Variants in NDST3 observed in about 807,000 individuals in gnomAD.
NDST3 encodes the protein N-deacetylase and N-sulfotransferase 3, also known as bifunctional heparan sulfate N-deacetylase/N-sulfotransferase 3.
NDST3 carries 58 observed loss-of-function variants against 96.1 expected under a neutral mutation model. The ratio of observed to expected loss-of-function variants is 0.60; its 90% CI spans 0.49 to 0.75. NDST3 has a LOEUF of 0.75. Among genes scored for constraint, NDST3 ranks in the 30% least tolerant of loss-of-function variants. The pLI, the probability that NDST3 is intolerant of heterozygous loss-of-function variation, is 0.00. For missense variants in NDST3, 788 were observed against 1,034.2 expected (o/e 0.76, Z 3.27); for synonymous variants, 333 against 359.7 (o/e 0.93, Z 0.84).
intron 6 of NDST3, chr4:118,193,521 C>T: frequency 3.1e-6 from 3 of 963,600 alleles, no homozygotes; most frequent in Non-Finnish European, 5.0e-6. Context: ...TTGTTCTCTT[C>T]CTCAGCCAGC....
intron 6 of NDST3, among the ~76,000 whole-genome samples, chr4:118,155,858 A>G (rs1365053061): frequency 6.6e-6 from 1 of 152,190 alleles, no homozygotes; most frequent in Non-Finnish European, 1.5e-5. Flanking sequence ...GTTAAGAAAA[A>G]TAGGAGTTTT....
intron 7 of NDST3, among the ~76,000 whole-genome samples, chr4:118,225,994 GT>G (rs35573813): frequency 1.0e-4 from 15 of 143,022 alleles, no homozygotes; most frequent in African/African-American, 2.3e-4. Context: ...CTGTTTTTTT[GT>G]TTTTTTTTTC....
At chr4:118,178,895 T>C (rs1736429787) in intron 6 of NDST3, among the ~76,000 whole-genome samples, 1 of 152,068 alleles carries the variant, frequency 6.6e-6, no homozygotes, top group South Asian at 2.1e-4. Flanking sequence ...GAGATTATTT[T>C]AGTATTGCCA....
intron 6 of NDST3, among the ~76,000 whole-genome samples, chr4:118,223,180 A>C (rs1311427252): frequency 2.0e-5 from 3 of 152,014 alleles, no homozygotes; most frequent in Non-Finnish European, 2.9e-5. Context: ...ACCTCCAACG[A>C]CATTAGAAAA....
chr4:118,142,168 T>C (rs1733618111), intron 5 of NDST3, among the ~76,000 whole-genome samples: 1 of 152,074 alleles, frequency 6.6e-6, no homozygotes, highest in Non-Finnish European at 1.5e-5. Flanking sequence ...TGAGGATGCA[T>C]AATGCTTTTA....
At chr4:118,227,603 T>A (rs1184778846) in intron 8 of NDST3, among the ~76,000 whole-genome samples, 1 of 137,570 alleles carries the variant, frequency 7.3e-6, no homozygotes, top group Non-Finnish European at 1.5e-5. Flanking sequence ...TTTATCACCA[T>A]AAACTTTTTT....
At chr4:118,193,642 C>T in intron 6 of NDST3, 1 of 1,299,372 alleles carries the variant, frequency 7.7e-7, no homozygotes, top group Non-Finnish European at 1.1e-6. Flanking sequence ...GGTAGAGCTG[C>T]AAGACCTTCT....
Position 118,094,661 on chromosome 4 carries a change from A to G in NDST3, c.982-10357A>G, listed in dbSNP as rs115506201. 6.6e-3 allele frequency among the ~76,000 whole-genome samples: 1,009 copies of G among 151,916 alleles called. 8 individuals carry two copies. Among genetic ancestry groups the G allele is most frequent in the African/African-American group, 0.023 (967 of 41,478 alleles). On this transcript the variant is annotated intron_variant, in intron 2 of 13. Coordinates refer to ENST00000296499, the MANE Select transcript of NDST3 (RefSeq NM_004784.3). ...CTAAGAATTTTTTGGCATTACCAGT[A>G]ATTAATTTATTCTTTCATTCTTTCA...
intron 2 of NDST3, among the ~76,000 whole-genome samples, chr4:118,060,241 T>C (rs1468975297): frequency 2.0e-5 from 3 of 152,278 alleles, no homozygotes; most frequent in East Asian, 1.9e-4. Flanking sequence ...TTGCCTTCTA[T>C]ATTTTGAAGC....
At chr4:118,161,633 G>A (rs1259517591) in intron 6 of NDST3, among the ~76,000 whole-genome samples, 1 of 152,120 alleles carries the variant, frequency 6.6e-6, no homozygotes, top group Admixed American at 6.5e-5. Context: ...AGACTGCTTT[G>A]CTAGCAATCA....
intron 1 of NDST3, among the ~76,000 whole-genome samples, chr4:118,051,656 T>C (rs1725085401): frequency 6.6e-6 from 1 of 151,984 alleles, no homozygotes; most frequent in South Asian, 2.1e-4. Flanking sequence ...GGCATCTAAA[T>C]AGAAAAAGAA....
intron 6 of NDST3, among the ~76,000 whole-genome samples, chr4:118,177,589 T>G (rs148643057): frequency 4.1e-4 from 63 of 152,100 alleles, no homozygotes; most frequent in African/African-American, 1.5e-3. Context: ...ACCACAACTA[T>G]TAAGAACAAT....
At chr4:118,198,406 ACT>A (rs1284737074) in intron 6 of NDST3, among the ~76,000 whole-genome samples, 1 of 152,236 alleles carries the variant, frequency 6.6e-6, no homozygotes, top group Non-Finnish European at 1.5e-5. Flanking sequence ...TGATAATAAC[ACT>A]GTTTGCATAA....
In NDST3 at chr4:118,157,886, T is replaced by C. The variant is rs183528987; in HGVS notation, c.1539+14202T>C. Among the ~76,000 whole-genome samples the C allele has an allele frequency of 8.1e-4, 123 of 152,250 alleles. 1 individual carries two copies. In the East Asian group the frequency reaches 0.019, roughly 23 times the overall value. ...TACACAAAATAATTAATTAAAATAA[T>C]TTTGAGTACAGTATTCTAACTGCAT... is the stretch of plus-strand genomic sequence containing the variant. On this transcript the variant is annotated intron_variant, in intron 6 of 13. Transcript: ENST00000296499.
At chr4:118,231,889 A>C (rs1302077804) in intron 8 of NDST3, among the ~76,000 whole-genome samples, 1 of 152,200 alleles carries the variant, frequency 6.6e-6, no homozygotes, top group Non-Finnish European at 1.5e-5. Context: ...TAGTCTTATA[A>C]AACCCTAACT....
intron 6 of NDST3, among the ~76,000 whole-genome samples, chr4:118,160,743 G>A (rs1489804829): frequency 6.6e-6 from 1 of 152,150 alleles, no homozygotes; most frequent in African/African-American, 2.4e-5. Flanking sequence ...GCACTTCTCT[G>A]TATTGGTTAC....
Position 118,143,560 on chromosome 4 carries a change from T to G in NDST3, c.1415T>G (p.Leu472Arg), listed in dbSNP as rs1733721197. ...CTTTTTTCATTTTTCCTTCAGGTTCTCCCAAGACAAACCTGTGGGCTTTTC... is the reference window on the plus strand; with the variant it reads ...CTTTTTTCATTTTTCCTTCAGGTTCGCCCAAGACAAACCTGTGGGCTTTTC... ...RGFIHKNIMV[L>R]PRQTCGLFTH... The change falls in exon 6 of 14, where the codon CTC becomes CGC. Residue 472 changes from leucine to arginine, a missense_variant. Coordinates refer to ENST00000296499, the MANE Select transcript of NDST3 (RefSeq NM_004784.3). 1.9e-6 allele frequency: 3 copies of G among 1,598,630 alleles called. No individual in the cohort carries two copies. Among genetic ancestry groups the G allele is most frequent in the Non-Finnish European group, 2.6e-6 (3 of 1,175,916 alleles).
At chr4:118,239,188 A>G (rs79355596) in intron 10 of NDST3, among the ~76,000 whole-genome samples, 3,074 of 152,314 alleles carry the variant, frequency 0.02, 39 homozygotes, top group South Asian at 0.034. Context: ...TAAAACAGCT[A>G]AGTTCTTGAC....
intron 6 of NDST3, among the ~76,000 whole-genome samples, chr4:118,172,618 G>A (rs1210063698): frequency 2.6e-5 from 4 of 151,950 alleles, no homozygotes; most frequent in Non-Finnish European, 5.9e-5. Context: ...TGAATGTTGA[G>A]GATTGGGCAT....
Sources: allele counts gnomAD v4.1 joint callset (sites outside exome capture counted in the v4.1 genomes callset), GRCh38; gene constraint gnomAD v4.1.1; transcripts MANE v1.5; gene names NCBI Gene and HGNC (gene_info 2026-07-23, HGNC 2026-07-21).